Variants in USH2A observed in about 807,000 individuals in gnomAD.
USH2A encodes the protein usherin.
In USH2A, 443 loss-of-function variants were observed where a neutral mutation model predicts 538.9. The observed-to-expected ratio is 0.82, with a 90% CI of 0.76 to 0.89. The LOEUF is 0.89. USH2A is among the 40% of genes least tolerant of loss of function. The pLI is 0.00. For synonymous variants in USH2A, 2,413 were observed against 2,273.5 expected (o/e 1.06, Z -1.75); for missense variants, 6,633 against 6,324.8 (o/e 1.05, Z -1.65).
At chr1:216,325,656 C>T in intron 5 of USH2A, 57 bp from the exon 6 acceptor site, 1 of 1,539,096 alleles carries the variant, frequency 6.5e-7, no homozygotes, top group Non-Finnish European at 8.8e-7. Context: ...AATAGAACTT[C>T]TAGGAGTCGT....
intron 21 of USH2A, among the ~76,000 whole-genome samples, chr1:216,166,003 C>T (rs921601185): frequency 4.6e-5 from 7 of 151,954 alleles, no homozygotes; most frequent in African/African-American, 1.2e-4. Flanking sequence ...ATTGTATCAT[C>T]GTTATGCCTT....
At chr1:215,799,858 T>G (rs549633556) in intron 49 of USH2A, among the ~76,000 whole-genome samples, 1 of 152,136 alleles carries the variant, frequency 6.6e-6, no homozygotes, top group East Asian at 1.9e-4. Context: ...TGGTGGTGCA[T>G]GCCTGTAGTC....
chr1:216,156,189 A>T (rs1172023014), intron 21 of USH2A, among the ~76,000 whole-genome samples: 15 of 151,192 alleles, frequency 9.9e-5, no homozygotes. Flanking sequence ...TTGTTTATTT[A>T]TGTACATGTC....
intron 3 of USH2A, among the ~76,000 whole-genome samples, chr1:216,408,897 T>C (rs2039437367): frequency 6.6e-6 from 1 of 152,168 alleles, no homozygotes; most frequent in Admixed American, 6.6e-5. Context: ...GCAGGAGGTA[T>C]GGTGACCACC....
rs146198942 is a variant in USH2A at position 215,674,298 on chromosome 1, G to A, written c.13613C>T (p.Pro4538Leu). The change falls in exon 63 of 72, where the codon CCA becomes CTA. Residue 4538 changes from proline to leucine, a missense_variant. Transcript: ENST00000307340. The stretch of plus-strand genomic sequence containing the variant: ...CTGAGGACCCCTGGCCTGCAATTTT[G>A]GAGGTTCCATCCCTGAGGGTGCTGA... ...SPSAPSGMEP[P>L]KLQARGPQEI... 2 of 1,614,008 alleles carry A rather than the reference G, an allele frequency of 1.2e-6. No homozygotes were observed. The highest frequency in any genetic ancestry group is 1.3e-5 in the African/African-American group (1 of 74,994).
rs116295463 is a variant in USH2A at position 215,779,750 on chromosome 1, C to T, written c.10939+93G>A. Reference sequence around the variant, plus strand: ...AGAACACGTCCTTTCGAAGTGACCTCATATATCAAACACACACCCCTGGGA... The same window carrying T: ...AGAACACGTCCTTTCGAAGTGACCTTATATATCAAACACACACCCCTGGGA... On this transcript the variant is annotated intron_variant, in intron 55 of 71. Transcript: ENST00000307340. The T allele has an allele frequency of 3.6e-5, 53 of 1,464,368 alleles. No individual in the cohort carries two copies. The African/African-American group carries it at 6.9e-4, about 19-fold the overall frequency. The allele number at this position is 1,464,368 out of a possible 1,614,324, so 90.7% of individuals were successfully genotyped here.
rs370388782 is a variant in USH2A at position 216,322,810 on chromosome 1, A to G, written c.1550+664T>C. On this transcript the variant is annotated intron_variant, in intron 8 of 71. Coordinates refer to ENST00000307340, the MANE Select transcript of USH2A (RefSeq NM_206933.4). ...TGGTCTGCTTTTAAAGACATATTTT[A>G]TTCACAAGGCCTATCATTCCTCCAG... Among the ~76,000 whole-genome samples, 5 of 152,240 alleles carry G rather than the reference A, an allele frequency of 3.3e-5. No individual in the cohort carries two copies. In the East Asian group the frequency reaches 7.7e-4, roughly 24 times the overall value.
At chr1:215,724,495 G>A (rs190299768) in intron 61 of USH2A, among the ~76,000 whole-genome samples, 1 of 152,222 alleles carries the variant, frequency 6.6e-6, no homozygotes, top group East Asian at 1.9e-4. Flanking sequence ...TGAGGGATGA[G>A]AAATGACCTG....
chr1:215,875,856 AAT>A (rs1405614377), intron 43 of USH2A, among the ~76,000 whole-genome samples: 2 of 147,400 alleles, frequency 1.4e-5, no homozygotes, highest in East Asian at 3.9e-4. Context: ...GACAGCAATT[AAT>A]ATATATATTA....
rs766183914 is a variant in USH2A at position 216,421,909 on chromosome 1, T to C, written c.428A>G (p.Lys143Arg). The change falls in exon 2 of 72, where the codon AAG becomes AGG. Residue 143 changes from lysine to arginine, a missense_variant. Lys to Arg is a conservative substitution (Grantham distance 26). Coordinates refer to ENST00000307340, the MANE Select transcript of USH2A (RefSeq NM_206933.4). Reference sequence around the variant, plus strand: ...AGCTAAGGTAAATGATGCCATCAGCTTTGGAGAAGGAGGAGAAGAAAAGCA... The same window carrying C: ...AGCTAAGGTAAATGATGCCATCAGCCTTGGAGAAGGAGGAGAAGAAAAGCA... ...KSCFSSPPSPKLMASFTLAVW... is the reference protein window; with the variant it reads ...KSCFSSPPSPRLMASFTLAVW... 1.9e-6 allele frequency: 3 copies of C among 1,613,798 alleles called. No homozygotes were observed. The Admixed American group carries it at 5.0e-5, about 27-fold the overall frequency.
chr1:215,859,103 C>G (rs548800905), intron 44 of USH2A, among the ~76,000 whole-genome samples: 35 of 152,248 alleles, frequency 2.3e-4, no homozygotes, highest in Middle Eastern at 3.4e-3. Flanking sequence ...TGTGTGCTAA[C>G]TTATGAAATC....
intron 21 of USH2A, among the ~76,000 whole-genome samples, chr1:216,128,042 G>A (rs1345716619): frequency 6.6e-6 from 1 of 152,106 alleles, no homozygotes; most frequent in African/African-American, 2.4e-5. Context: ...TTGGAGCCAA[G>A]AATTTGAAGA....
At chr1:216,053,732 T>C (rs2102531486) in intron 30 of USH2A, among the ~76,000 whole-genome samples, 1 of 152,286 alleles carries the variant, frequency 6.6e-6, no homozygotes, top group African/African-American at 2.4e-5. Context: ...GGACCATAAC[T>C]CTCACTGCTA....
chr1:215,853,046 A>G (rs973603314), intron 44 of USH2A, among the ~76,000 whole-genome samples: 2 of 152,206 alleles, frequency 1.3e-5, no homozygotes, highest in Non-Finnish European at 2.9e-5. Context: ...CTCAGTGTGG[A>G]GGCACCCACC....
At chr1:216,147,308 C>G (rs1225684683) in intron 21 of USH2A, among the ~76,000 whole-genome samples, 1 of 152,148 alleles carries the variant, frequency 6.6e-6, no homozygotes, top group Non-Finnish European at 1.5e-5. Flanking sequence ...CACCTCCCCT[C>G]CTCACACCTG....
chr1:215,827,500 A>T (rs775995575), intron 47 of USH2A, among the ~76,000 whole-genome samples: 8 of 152,192 alleles, frequency 5.3e-5, no homozygotes, highest in Non-Finnish European at 7.3e-5. Flanking sequence ...TTTTCTATAT[A>T]TTCTGTCTTT....
chr1:216,278,814 G>T (rs762597253), intron 11 of USH2A, among the ~76,000 whole-genome samples: 6 of 152,182 alleles, frequency 3.9e-5, no homozygotes, highest in Non-Finnish European at 7.3e-5. Flanking sequence ...GGTAATTAAT[G>T]ACAAATACCT....
intron 55 of USH2A, among the ~76,000 whole-genome samples, chr1:215,768,810 A>G (rs964897513): frequency 3.3e-5 from 5 of 152,212 alleles, no homozygotes; most frequent in African/African-American, 4.8e-5. Flanking sequence ...TTTTACCTGA[A>G]TATCTTATTT....
chr1:216,383,722 G>C (rs2038957306), intron 3 of USH2A, among the ~76,000 whole-genome samples: 1 of 152,134 alleles, frequency 6.6e-6, no homozygotes, highest in African/African-American at 2.4e-5. Context: ...CTGTTGCCTA[G>C]GCTGGAGTGC....
Sources: gnomAD v4.1 joint callset for allele counts (sites outside exome capture counted in the v4.1 genomes callset) on GRCh38, gnomAD v4.1.1 for gene constraint, MANE v1.5 for transcripts, NCBI Gene and HGNC (gene_info 2026-07-23, HGNC 2026-07-21) for gene names.